The following RARB variants were observed in gnomAD, a reference collection of about 807,000 sequenced individuals.
The protein encoded by RARB is retinoic acid receptor beta, also known as HBV-activated protein.
Under a neutral mutation model 51.9 loss-of-function variants are expected in RARB, and 17 were observed. The observed-to-expected ratio is 0.33, with a 90% CI of 0.22 to 0.49. The LOEUF is 0.49. Ranked by LOEUF, RARB falls within the 20% of genes least tolerant of loss-of-function variation. The pLI, the probability that RARB is intolerant of heterozygous loss-of-function variation, is 0.99. For missense variants in RARB, 369 were observed against 550.8 expected (o/e 0.67, Z 3.30); for synonymous variants, 215 against 195.4 (o/e 1.10, Z -0.84).
intron 2 of RARB, among the ~76,000 whole-genome samples, chr3:24,878,539 C>T (rs1477894758): frequency 6.6e-6 from 1 of 152,102 alleles, no homozygotes; most frequent in Non-Finnish European, 1.5e-5. Flanking sequence ...AAGCAGGACT[C>T]TCAACATTGG....
chr3:25,192,818 T>C (rs941489137), intron 5 of RARB, among the ~76,000 whole-genome samples: 4 of 151,970 alleles, frequency 2.6e-5, no homozygotes, highest in Non-Finnish European at 4.4e-5. Context: ...GTCTTACTCA[T>C]AATTGGGAGC....
At chr3:25,102,555 T>C (rs1029740285) in intron 3 of RARB, among the ~76,000 whole-genome samples, 1 of 151,654 alleles carries the variant, frequency 6.6e-6, no homozygotes, top group Non-Finnish European at 1.5e-5. Context: ...AAAATGAAAA[T>C]AGAAATAAAT....
intron 5 of RARB, among the ~76,000 whole-genome samples, chr3:25,590,249 G>A (rs1043595691): frequency 4.6e-5 from 7 of 152,152 alleles, no homozygotes; most frequent in South Asian, 2.1e-4. Context: ...AAACCTTTTC[G>A]AATAGAATAG....
chr3:25,580,520 C>T, intron 4 of RARB, 26 bp from the exon 5 acceptor site: 1 of 1,537,182 alleles, frequency 6.5e-7, no homozygotes, highest in Non-Finnish European at 8.9e-7. Flanking sequence ...GAAACTGTAT[C>T]TGATGACATT....
intron 1 of RARB, among the ~76,000 whole-genome samples, chr3:25,449,552 C>A (rs1180138063): frequency 1.3e-5 from 2 of 152,078 alleles, no homozygotes; most frequent in Non-Finnish European, 1.5e-5. Flanking sequence ...CTGCACAGTC[C>A]TAAGAGGGGA....
intron 2 of RARB, among the ~76,000 whole-genome samples, chr3:24,915,766 G>A (rs1229741062): frequency 1.3e-5 from 2 of 152,230 alleles, no homozygotes; most frequent in East Asian, 3.9e-4. Flanking sequence ...GCTTTCTTCT[G>A]GGAATGCTAA....
At chr3:24,924,994 G>T (rs1384228391) in intron 2 of RARB, among the ~76,000 whole-genome samples, 5 of 152,066 alleles carry the variant, frequency 3.3e-5, no homozygotes, top group African/African-American at 1.2e-4. Context: ...TTCCTGGGCT[G>T]ACCACCACCA....
At chr3:24,873,899 A>G (rs972918678) in intron 2 of RARB, among the ~76,000 whole-genome samples, 2 of 152,088 alleles carry the variant, frequency 1.3e-5, no homozygotes, top group Non-Finnish European at 2.9e-5. Flanking sequence ...CTTTGTACCC[A>G]TAGGTTTTGC....
chr3:25,509,727 GC>G (rs1330126140), intron 3 of RARB, among the ~76,000 whole-genome samples: 1 of 152,068 alleles, frequency 6.6e-6, no homozygotes, highest in Non-Finnish European at 1.5e-5. Flanking sequence ...AGGACGCCTG[GC>G]CCCCTTCCTT....
chr3:25,260,428 T>G (rs772980773), intron 5 of RARB, among the ~76,000 whole-genome samples: 1 of 152,044 alleles, frequency 6.6e-6, no homozygotes, highest in Non-Finnish European at 1.5e-5. Context: ...TTAGTTGGGA[T>G]TTGTTCATAC....
chr3:25,413,963 C>A (rs144263953), intron 5 of RARB, among the ~76,000 whole-genome samples: 2 of 152,254 alleles, frequency 1.3e-5, no homozygotes, highest in African/African-American at 4.8e-5. Context: ...TTGATGCGCA[C>A]GTATACCTGT....
chr3:25,395,708 T>C (rs187052826), intron 5 of RARB, among the ~76,000 whole-genome samples: 5 of 152,274 alleles, frequency 3.3e-5, no homozygotes, highest in Admixed American at 2.6e-4. Context: ...CTTTGCAGTA[T>C]ATTTTGGATT....
At chr3:25,388,241 C>G (rs563619950) in intron 5 of RARB, among the ~76,000 whole-genome samples, 5 of 152,080 alleles carry the variant, frequency 3.3e-5, no homozygotes, top group Admixed American at 3.3e-4. Flanking sequence ...ATTAAAAAGC[C>G]TCTAAATTCT....
intron 5 of RARB, among the ~76,000 whole-genome samples, chr3:25,201,106 T>C (rs1405229748): frequency 1.3e-5 from 2 of 150,700 alleles, no homozygotes; most frequent in East Asian, 3.9e-4. Context: ...TTTGTGTCCT[T>C]GAACAGTCGT....
chr3:25,494,430 T>C (rs990509870), intron 2 of RARB, among the ~76,000 whole-genome samples: 2 of 152,200 alleles, frequency 1.3e-5, no homozygotes, highest in Admixed American at 1.3e-4. Flanking sequence ...CAAGTGCCAG[T>C]TTTCCTCCCT....
chr3:25,233,088 G>A (rs578152193), intron 5 of RARB, among the ~76,000 whole-genome samples: 50 of 144,770 alleles, frequency 3.5e-4, no homozygotes, highest in Admixed American at 2.8e-3. Flanking sequence ...AGATTTTGCT[G>A]CTTCAGCCTC....
intron 5 of RARB, among the ~76,000 whole-genome samples, chr3:25,202,383 A>C (rs907792245): frequency 2.0e-5 from 3 of 151,924 alleles, no homozygotes; most frequent in Non-Finnish European, 4.4e-5. Context: ...TTCAAAAAAA[A>C]CAGCTCCTGG....
At chr3:25,417,424 G>A (rs1575385585) in intron 5 of RARB, among the ~76,000 whole-genome samples, 1 of 152,120 alleles carries the variant, frequency 6.6e-6, no homozygotes, top group African/African-American at 2.4e-5. Flanking sequence ...GGAGGGACCT[G>A]GTGGGAGGTA....
At chr3:25,088,858 TA>T (rs1699147619) in intron 3 of RARB, among the ~76,000 whole-genome samples, 1 of 152,102 alleles carries the variant, frequency 6.6e-6, no homozygotes, top group South Asian at 2.1e-4. Flanking sequence ...GCTCTTTTTT[TA>T]AATGGCACAA....
Sources: allele counts gnomAD v4.1 joint callset (sites outside exome capture counted in the v4.1 genomes callset), GRCh38; gene constraint gnomAD v4.1.1; transcripts MANE v1.5; gene names NCBI Gene and HGNC (gene_info 2026-07-23, HGNC 2026-07-21).